The following ARHGAP24 variants were observed in gnomAD, a reference collection of about 807,000 sequenced individuals.
ARHGAP24 encodes rho GTPase-activating protein 24.
In ARHGAP24, 50 loss-of-function variants were observed where a neutral mutation model predicts 76.4. The ratio of observed to expected loss-of-function variants is 0.65; its 90% CI spans 0.52 to 0.83. The LOEUF (loss-of-function observed/expected upper bound fraction) is 0.83. ARHGAP24 is among the 40% of genes least tolerant of loss of function. The pLI, the probability that ARHGAP24 is intolerant of heterozygous loss-of-function variation, is 0.00. For missense variants in ARHGAP24, 930 were observed against 914.2 expected (o/e 1.02, Z -0.22); for synonymous variants, 345 against 323.3 (o/e 1.07, Z -0.72).
chr4:85,924,474 A>T (rs1560721116), intron 4 of ARHGAP24, among the ~76,000 whole-genome samples: 1 of 152,180 alleles, frequency 6.6e-6, no homozygotes, highest in Non-Finnish European at 1.5e-5. Flanking sequence ...GCACAAAATT[A>T]TTTATCTACA....
At chr4:85,933,021 G>A (rs541907788) in intron 4 of ARHGAP24, among the ~76,000 whole-genome samples, 9 of 152,246 alleles carry the variant, frequency 5.9e-5, no homozygotes, top group South Asian at 2.1e-4. Flanking sequence ...GAATGAACTC[G>A]CCTCTCAATT....
At chr4:85,693,096 G>A (rs1723730385) in intron 2 of ARHGAP24, among the ~76,000 whole-genome samples, 1 of 152,330 alleles carries the variant, frequency 6.6e-6, no homozygotes, top group South Asian at 2.1e-4. Flanking sequence ...AGCTTGGACT[G>A]TGATCCAGTA....
At chr4:85,575,881 G>A (rs1334328379) in intron 2 of ARHGAP24, among the ~76,000 whole-genome samples, 2 of 152,280 alleles carry the variant, frequency 1.3e-5, no homozygotes, top group South Asian at 2.1e-4. Context: ...GCAGGGCATC[G>A]ATTTTTAGAA....
intron 2 of ARHGAP24, among the ~76,000 whole-genome samples, chr4:85,578,186 C>A (rs1727464816): frequency 2.0e-5 from 3 of 152,156 alleles, no homozygotes; most frequent in African/African-American, 7.2e-5. Flanking sequence ...CTATAATTGA[C>A]TATTTTATAT....
chr4:85,639,119 G>T (rs879649668), intron 2 of ARHGAP24, among the ~76,000 whole-genome samples: 63 of 152,090 alleles, frequency 4.1e-4, no homozygotes, highest in Admixed American at 5.2e-4. Flanking sequence ...TCCCCAAATT[G>T]TCCTAAGATT....
intron 1 of ARHGAP24, among the ~76,000 whole-genome samples, chr4:85,550,122 AATGGG>A (rs1220767920): frequency 1.3e-5 from 2 of 152,336 alleles, no homozygotes; most frequent in East Asian, 3.9e-4. Context: ...TGTACTCAAT[AATGGG>A]ATTGCTGTAT....
At chr4:85,708,778 C>A (rs1056696951) in intron 2 of ARHGAP24, among the ~76,000 whole-genome samples, 35 of 152,034 alleles carry the variant, frequency 2.3e-4, no homozygotes, top group Non-Finnish European at 5.9e-5. Flanking sequence ...CTCAAATCGC[C>A]TAAGAAAGCA....
chr4:85,787,276 A>T (rs1473925290), intron 3 of ARHGAP24, among the ~76,000 whole-genome samples: 3 of 152,164 alleles, frequency 2.0e-5, no homozygotes, highest in Non-Finnish European at 1.5e-5. Context: ...TTCATTTCTT[A>T]TTTGCTCAGA....
intron 2 of ARHGAP24, among the ~76,000 whole-genome samples, chr4:85,603,012 C>G (rs1301996493): frequency 6.6e-6 from 1 of 152,148 alleles, no homozygotes; most frequent in Non-Finnish European, 1.5e-5. Context: ...AATGCACCCT[C>G]AGTAACATGA....
rs368265160 is a variant in ARHGAP24 at position 85,759,625 on chromosome 4, A to G, written c.268+37653A>G. On this transcript the variant is annotated intron_variant, in intron 3 of 9. Transcript: ENST00000395184. ...GCACTTGAGGATAGTTTCTCTGTCT[A>G]TAGGACTGAGGCTGAGACTGGAGGC... 2.7e-4 allele frequency among the ~76,000 whole-genome samples: 41 copies of G among 152,300 alleles called. No homozygotes were observed. The Middle Eastern group carries it at 0.01, about 38-fold the overall frequency.
At chr4:85,677,847 G>C (rs752766648) in intron 2 of ARHGAP24, among the ~76,000 whole-genome samples, 1 of 152,132 alleles carries the variant, frequency 6.6e-6, no homozygotes, top group Non-Finnish European at 1.5e-5. Context: ...TTAAAGAGCT[G>C]TTTCAGCCTG....
intron 3 of ARHGAP24, among the ~76,000 whole-genome samples, chr4:85,805,757 C>T (rs1300957018): frequency 6.6e-6 from 1 of 152,136 alleles, no homozygotes; most frequent in African/African-American, 2.4e-5. Flanking sequence ...TTAACTTTTC[C>T]TGCTCCACAA....
chr4:85,588,781 A>G (rs760736077), intron 2 of ARHGAP24, among the ~76,000 whole-genome samples: 13 of 152,238 alleles, frequency 8.5e-5, no homozygotes, highest in Non-Finnish European at 1.6e-4. Flanking sequence ...AGATTTCAAC[A>G]ATTTTAGTAT....
chr4:85,584,440 G>T (rs1206105709), intron 2 of ARHGAP24, among the ~76,000 whole-genome samples: 1 of 148,894 alleles, frequency 6.7e-6, no homozygotes, highest in East Asian at 2.0e-4. Context: ...GAGGACTGTT[G>T]TGGGGTTGGG....
chr4:85,930,160 G>A, intron 4 of ARHGAP24: 12 of 809,544 alleles, frequency 1.5e-5, no homozygotes, highest in Non-Finnish European at 1.8e-5. Flanking sequence ...GAGAAAAGGG[G>A]AGACGGAGCA....
intron 3 of ARHGAP24, among the ~76,000 whole-genome samples, chr4:85,750,295 A>G (rs1002160692): frequency 2.6e-5 from 4 of 151,944 alleles, no homozygotes; most frequent in Admixed American, 2.0e-4. Context: ...AGATTTCTAA[A>G]TATCTATTCA....
intron 3 of ARHGAP24, chr4:85,722,273 C>A (rs557241141): frequency 5.9e-6 from 2 of 340,458 alleles, no homozygotes; most frequent in Non-Finnish European, 5.6e-6. Flanking sequence ...GATTTTACAG[C>A]GCTCTTGTGA....
intron 5 of ARHGAP24, among the ~76,000 whole-genome samples, chr4:85,966,106 GTC>G (rs1439607833): frequency 2.0e-5 from 3 of 152,106 alleles, no homozygotes; most frequent in African/African-American, 7.2e-5. Flanking sequence ...GCAGATAACT[GTC>G]TCTGACTGGA....
chr4:85,892,239 A>G lies in ARHGAP24; in HGVS notation c.269-31409A>G, dbSNP rs1368951948. Among the ~76,000 whole-genome samples the G allele has an allele frequency of 3.8e-5, 2 of 52,070 alleles. 1 individual carries two copies. The highest frequency in any genetic ancestry group is 8.0e-5 in the Non-Finnish European group (2 of 25,042). The allele number at this position is 52,070 out of a possible 152,430, so 34.2% of individuals were successfully genotyped here. A position where few individuals can be genotyped will look rare whatever the true frequency, so the allele number is the denominator to read the frequency against. On this transcript the variant is annotated intron_variant, in intron 3 of 9. Coordinates refer to ENST00000395184, the MANE Select transcript of ARHGAP24 (RefSeq NM_001025616.3). ...TATCATTTTTTATTGTGTCTATTTG[A>G]TTCTTCTCTCTTTTTTTCTTTATTA...
Sources: allele counts gnomAD v4.1 joint callset (sites outside exome capture counted in the v4.1 genomes callset), GRCh38; gene constraint gnomAD v4.1.1; transcripts MANE v1.5; gene names NCBI Gene and HGNC (gene_info 2026-07-23, HGNC 2026-07-21).